The following GABRB1 variants were observed in gnomAD, a reference collection of about 807,000 sequenced individuals.
GABRB1 encodes gamma-aminobutyric acid type A receptor subunit beta1.
GABRB1 carries 17 observed loss-of-function variants against 51.6 expected under a neutral mutation model. The ratio of observed to expected loss-of-function variants is 0.33; its 90% CI spans 0.23 to 0.49. The LOEUF is 0.49. GABRB1 is among the 20% of genes least tolerant of loss of function. GABRB1 has a pLI of 0.99. For synonymous variants in GABRB1, 247 were observed against 218.9 expected, an observed-to-expected ratio of 1.13 and a Z score of -1.14; for missense variants, 410 against 600.6, an observed-to-expected ratio of 0.68 and a Z score of 3.32.
chr4:47,053,820 G>A (rs549359364), intron 3 of GABRB1, among the ~76,000 whole-genome samples: 20 of 152,252 alleles, frequency 1.3e-4, no homozygotes, highest in Middle Eastern at 3.4e-3. Flanking sequence ...CACAGTATCC[G>A]CCTATTACCC....
chr4:47,359,281 A>T (rs933998103), intron 5 of GABRB1, among the ~76,000 whole-genome samples: 1 of 152,144 alleles, frequency 6.6e-6, no homozygotes. Context: ...GAACATCATG[A>T]TGGAAACATT....
chr4:47,200,711 T>C (rs1248949944), intron 4 of GABRB1, among the ~76,000 whole-genome samples: 1 of 152,172 alleles, frequency 6.6e-6, no homozygotes, highest in Non-Finnish European at 1.5e-5. Flanking sequence ...AAACAAATAG[T>C]TGTTCGAATA....
chr4:47,404,316 T>A (rs2110052546), intron 7 of GABRB1, among the ~76,000 whole-genome samples: 1 of 152,276 alleles, frequency 6.6e-6, no homozygotes. Context: ...CCTGTCATGG[T>A]TAATTAATTG....
chr4:47,286,210 C>T (rs1360590942), intron 4 of GABRB1, among the ~76,000 whole-genome samples: 1 of 152,164 alleles, frequency 6.6e-6, no homozygotes, highest in African/African-American at 2.4e-5. Context: ...CATTTCCTTC[C>T]TCCACAGACT....
chr4:47,353,035 G>A (rs996682156), intron 5 of GABRB1, among the ~76,000 whole-genome samples: 1 of 152,124 alleles, frequency 6.6e-6, no homozygotes, highest in Admixed American at 6.5e-5. Context: ...GAGGCAAAAG[G>A]CACTTCTTAC....
intron 3 of GABRB1, among the ~76,000 whole-genome samples, chr4:47,061,623 A>G (rs954632496): frequency 6.6e-6 from 1 of 152,210 alleles, no homozygotes; most frequent in African/African-American, 2.4e-5. Flanking sequence ...GAAATGAGTC[A>G]TGTCAGTGAG....
upstream of GABRB1, among the ~76,000 whole-genome samples, chr4:47,031,181 G>A (rs866927113): frequency 6.6e-6 from 1 of 151,576 alleles, no homozygotes; most frequent in Non-Finnish European, 1.5e-5. Flanking sequence ...ACATCCTCCC[G>A]GTGCCCGCCA....
chr4:47,287,306 A>G (rs1004996485), intron 4 of GABRB1, among the ~76,000 whole-genome samples: 2 of 152,194 alleles, frequency 1.3e-5, no homozygotes, highest in East Asian at 3.8e-4. Flanking sequence ...AATTTTGTCC[A>G]TGAGCCTTTC....
intron 4 of GABRB1, among the ~76,000 whole-genome samples, chr4:47,232,585 T>C (rs1363564860): frequency 1.3e-5 from 2 of 152,176 alleles, no homozygotes; most frequent in Non-Finnish European, 2.9e-5. Context: ...CATCTGGATG[T>C]CCTGCATGCA....
intron 3 of GABRB1, among the ~76,000 whole-genome samples, chr4:47,141,107 A>G (rs1460363652): frequency 2.6e-5 from 4 of 151,950 alleles, no homozygotes; most frequent in African/African-American, 9.7e-5. Context: ...AAAACAACTA[A>G]TATCGCTATA....
At chr4:47,326,169 C>A (rs1172347225) in intron 5 of GABRB1, among the ~76,000 whole-genome samples, 1 of 152,154 alleles carries the variant, frequency 6.6e-6, no homozygotes, top group East Asian at 1.9e-4. Flanking sequence ...ATACTTCCTA[C>A]CTATTAATCA....
At chr4:47,402,640 T>C (rs568997983) in intron 5 of GABRB1, among the ~76,000 whole-genome samples, 1 of 152,214 alleles carries the variant, frequency 6.6e-6, no homozygotes, top group African/African-American at 2.4e-5. Context: ...GCCCTTCTAT[T>C]ACAATCTACA....
intron 1 of GABRB1, among the ~76,000 whole-genome samples, chr4:47,016,661 T>C (rs960044025): frequency 2.6e-5 from 4 of 152,258 alleles, no homozygotes; most frequent in African/African-American, 9.6e-5. Context: ...CAGTCTTGGC[T>C]CACTGCAACT....
Position 46,995,642 on chromosome 4 carries a change from ATGTAAGCCACCGCCTTACATT to A in GABRB1, c.-20+1725_-20+1745del, listed in dbSNP as rs552670529. Among the ~76,000 whole-genome samples, 23 of 152,286 alleles carry A rather than the reference ATGTAAGCCACCGCCTTACATT, an allele frequency of 1.5e-4. No individual in the cohort carries two copies. The East Asian group carries it at 1.5e-3, about 10-fold the overall frequency. On this transcript the variant is annotated intron_variant, in intron 1 of 3. Coordinates refer to the GABRB1 transcript ENST00000513567. ...GTCTCCCAAAGTGCTGGTATGACAG[ATGTAAGCCACCGCCTTACATT>A]TGTAAGCCTTTTCCTATACTTTCTA...
At chr4:47,209,683 C>CA (rs1168940062) in intron 4 of GABRB1, among the ~76,000 whole-genome samples, 1 of 150,452 alleles carries the variant, frequency 6.6e-6, no homozygotes, top group East Asian at 2.0e-4. Flanking sequence ...CATAGATGTA[C>CA]AAAAAAAGCT....
intron 3 of GABRB1, among the ~76,000 whole-genome samples, chr4:47,126,692 AT>A (rs35092852): frequency 0.39 from 59,901 of 151,842 alleles, 12,155 homozygotes; most frequent in African/African-American, 0.46. Context: ...TGTAGAGGAG[AT>A]TAAGAATCAG....
chr4:47,208,361 A>G (rs1444139561), intron 4 of GABRB1, among the ~76,000 whole-genome samples: 1 of 152,090 alleles, frequency 6.6e-6, no homozygotes. Flanking sequence ...TTAATGCTTA[A>G]TAGGTACAAA....
intron 4 of GABRB1, among the ~76,000 whole-genome samples, chr4:47,201,294 C>G (rs955337902): frequency 3.3e-5 from 5 of 152,142 alleles, no homozygotes; most frequent in African/African-American, 1.2e-4. Flanking sequence ...GAGAAACTAT[C>G]TACAAAAGAA....
intron 5 of GABRB1, among the ~76,000 whole-genome samples, chr4:47,385,192 A>T (rs959140631): frequency 2.6e-5 from 4 of 152,224 alleles, no homozygotes. Flanking sequence ...AGACTAGTTG[A>T]ACAGCAAGAT....
Sources: allele counts gnomAD v4.1 joint callset (sites outside exome capture counted in the v4.1 genomes callset), GRCh38; gene constraint gnomAD v4.1.1; transcripts MANE v1.5; gene names NCBI Gene and HGNC (gene_info 2026-07-23, HGNC 2026-07-21).